Variants in GRIK1 observed in about 807,000 individuals in gnomAD.
The protein encoded by GRIK1 is glutamate receptor ionotropic, kainate 1.
GRIK1 carries 69 observed loss-of-function variants against 105.7 expected under a neutral mutation model. That is an observed-to-expected ratio of 0.65 (90% confidence interval 0.54 to 0.80). The LOEUF (loss-of-function observed/expected upper bound fraction) is 0.80, where lower values mean the gene tolerates loss of function less well. Among genes scored for constraint, GRIK1 ranks in the 30% least tolerant of loss-of-function variants. The probability of loss-of-function intolerance (pLI) is 0.00; values close to 1 mark genes in which losing one functional copy is unlikely to be tolerated. For synonymous variants in GRIK1, 438 were observed against 431.3 expected (o/e 1.02, Z -0.19); for missense variants, 1,109 against 1,167.3 (o/e 0.95, Z 0.73).
intron 1 of GRIK1, among the ~76,000 whole-genome samples, chr21:29,817,900 C>T (rs543452199): frequency 3.5e-4 from 54 of 152,182 alleles, no homozygotes; most frequent in African/African-American, 1.3e-3. Flanking sequence ...TAGTTGGCTA[C>T]GCATTAAACA....
intron 7 of GRIK1, among the ~76,000 whole-genome samples, chr21:29,627,341 G>A (rs1018198575): frequency 1.3e-5 from 2 of 152,160 alleles, no homozygotes; most frequent in Non-Finnish European, 2.9e-5. Flanking sequence ...ATTGAATAAA[G>A]CAGCACTTCC....
At chr21:29,574,663 A>G (rs886654539) in intron 14 of GRIK1, among the ~76,000 whole-genome samples, 4 of 150,568 alleles carry the variant, frequency 2.7e-5, no homozygotes, top group Non-Finnish European at 4.4e-5. Flanking sequence ...TTACACATAC[A>G]TTAAATAAAT....
chr21:29,625,873 G>A (rs919003053), intron 7 of GRIK1, among the ~76,000 whole-genome samples: 1 of 152,042 alleles, frequency 6.6e-6, no homozygotes, highest in African/African-American at 2.4e-5. Context: ...TTAATTAAAT[G>A]GTTGTACCCC....
At chr21:29,590,331 G>C (rs910561523) in intron 10 of GRIK1, among the ~76,000 whole-genome samples, 1 of 152,170 alleles carries the variant, frequency 6.6e-6, no homozygotes, top group African/African-American at 2.4e-5. Context: ...GTGTAAGGCA[G>C]GATGTCTGCA....
chr21:29,713,989 T>C (rs2064118196), intron 1 of GRIK1, among the ~76,000 whole-genome samples: 1 of 152,192 alleles, frequency 6.6e-6, no homozygotes, highest in Non-Finnish European at 1.5e-5. Context: ...ATATATGAGG[T>C]GATCAATTAA....
At chr21:29,723,573 C>G (rs1219487564) in intron 1 of GRIK1, among the ~76,000 whole-genome samples, 1 of 152,138 alleles carries the variant, frequency 6.6e-6, no homozygotes, top group Non-Finnish European at 1.5e-5. Context: ...TAGAAATTTG[C>G]TTTGTCTTGT....
intron 1 of GRIK1, among the ~76,000 whole-genome samples, chr21:29,924,344 A>C (rs966597470): frequency 4.6e-5 from 7 of 151,620 alleles, no homozygotes; most frequent in Non-Finnish European, 8.8e-5. Flanking sequence ...CAAAAAAAAA[A>C]AAAAGAAAAA....
chr21:29,832,294 C>T (rs930384856), intron 1 of GRIK1, among the ~76,000 whole-genome samples: 4 of 152,104 alleles, frequency 2.6e-5, no homozygotes, highest in Admixed American at 6.6e-5. Context: ...TCTACCATTC[C>T]GAGGTCTGGA....
intron 3 of GRIK1, among the ~76,000 whole-genome samples, chr21:29,687,282 G>C (rs2063503049): frequency 6.6e-6 from 1 of 152,086 alleles, no homozygotes; most frequent in African/African-American, 2.4e-5. Context: ...ACTTAATTCT[G>C]GTGTAGGGGC....
At chr21:29,715,051 TA>T (rs910259617) in intron 1 of GRIK1, among the ~76,000 whole-genome samples, 2 of 152,216 alleles carry the variant, frequency 1.3e-5, no homozygotes, top group Non-Finnish European at 2.9e-5. Context: ...GATGAACTCT[TA>T]AATGATCTGG....
At chr21:29,833,672 C>T (rs902269021) in intron 1 of GRIK1, among the ~76,000 whole-genome samples, 1 of 152,252 alleles carries the variant, frequency 6.6e-6, no homozygotes, top group East Asian at 1.9e-4. Flanking sequence ...AGTCTACCTC[C>T]ATGATCCAAT....
chr21:29,602,196 C>A (rs1242964931), intron 7 of GRIK1, among the ~76,000 whole-genome samples: 1 of 152,064 alleles, frequency 6.6e-6, no homozygotes, highest in Non-Finnish European at 1.5e-5. Context: ...CAATCATAGG[C>A]AAGATACCAT....
At chr21:29,592,839 A>G (rs925293449) in intron 9 of GRIK1, among the ~76,000 whole-genome samples, 1 of 152,168 alleles carries the variant, frequency 6.6e-6, no homozygotes, top group East Asian at 1.9e-4. Flanking sequence ...TCAGATTCTG[A>G]TAAGGTAAAA....
intron 1 of GRIK1, among the ~76,000 whole-genome samples, chr21:29,916,818 GATATA>G (rs565277669): frequency 9.2e-5 from 14 of 151,890 alleles, no homozygotes; most frequent in Non-Finnish European, 1.9e-4. Flanking sequence ...AAAATAAATA[GATATA>G]ATTGCAGGCA....
At chr21:29,919,715 C>T (rs146152844) in intron 1 of GRIK1, among the ~76,000 whole-genome samples, 13 of 152,182 alleles carry the variant, frequency 8.5e-5, no homozygotes, top group African/African-American at 2.9e-4. Flanking sequence ...ATTATTAAAA[C>T]CATATTTTTA....
intron 7 of GRIK1, among the ~76,000 whole-genome samples, chr21:29,614,296 G>T (rs2061792930): frequency 1.3e-5 from 2 of 151,552 alleles, no homozygotes; most frequent in African/African-American, 2.4e-5. Flanking sequence ...CAGTGTTTCA[G>T]CATGGCAACA....
At chr21:29,661,959 C>T (rs2062972501) in intron 4 of GRIK1, among the ~76,000 whole-genome samples, 1 of 152,186 alleles carries the variant, frequency 6.6e-6, no homozygotes, top group South Asian at 2.1e-4. Flanking sequence ...GAAAACTGTG[C>T]TATATGATGT....
intron 7 of GRIK1, among the ~76,000 whole-genome samples, chr21:29,601,867 C>T (rs1476899742): frequency 1.3e-5 from 2 of 152,232 alleles, no homozygotes; most frequent in African/African-American, 4.8e-5. Flanking sequence ...TAGTATTTAA[C>T]AAAATGGCAT....
chr21:29,681,373 T>C (rs1039346994), intron 3 of GRIK1, among the ~76,000 whole-genome samples: 1 of 152,142 alleles, frequency 6.6e-6, no homozygotes, highest in Non-Finnish European at 1.5e-5. Flanking sequence ...AAGGCCCTCC[T>C]CTCTGACCGT....
Sources: allele counts gnomAD v4.1 joint callset (sites outside exome capture counted in the v4.1 genomes callset), GRCh38; gene constraint gnomAD v4.1.1; transcripts MANE v1.5; gene names NCBI Gene and HGNC (gene_info 2026-07-23, HGNC 2026-07-21).